Variants in RSRC1 observed in about 807,000 individuals in gnomAD.
RSRC1 encodes serine/Arginine-related protein 53.
A neutral mutation model predicts 49.1 loss-of-function variants in RSRC1; 39 were observed. The observed-to-expected ratio is 0.79, with a 90% confidence interval of 0.61 to 1.04. RSRC1 has a LOEUF of 1.04. Ranked by LOEUF, RSRC1 falls within the 50% of genes least tolerant of loss-of-function variation. The pLI, the probability that RSRC1 is intolerant of heterozygous loss-of-function variation, is 0.00. For missense variants in RSRC1, 388 were observed against 402.4 expected (o/e 0.96, Z 0.31); for synonymous variants, 143 against 130.8 (o/e 1.09, Z -0.63).
At chr3:158,202,480 C>A (rs1721099129) in intron 3 of RSRC1, among the ~76,000 whole-genome samples, 1 of 145,846 alleles carries the variant, frequency 6.9e-6, no homozygotes, top group Non-Finnish European at 1.5e-5. Flanking sequence ...GTAAGTGGAT[C>A]CATGCGGTTG....
chr3:158,437,160 C>G (rs1736086386), intron 6 of RSRC1, among the ~76,000 whole-genome samples: 1 of 149,432 alleles, frequency 6.7e-6, no homozygotes, highest in African/African-American at 2.5e-5. Context: ...AATATACTAT[C>G]CTACCAAATT....
intron 3 of RSRC1, among the ~76,000 whole-genome samples, chr3:158,173,664 G>A (rs943093379): frequency 1.3e-5 from 2 of 151,910 alleles, no homozygotes; most frequent in Non-Finnish European, 1.5e-5. Flanking sequence ...GCACATGAAT[G>A]TTCTCAGCAG....
At chr3:158,538,876 C>G (rs558268175) in intron 8 of RSRC1, among the ~76,000 whole-genome samples, 1 of 152,036 alleles carries the variant, frequency 6.6e-6, no homozygotes, top group African/African-American at 2.4e-5. Context: ...TGAATAAATT[C>G]ACACTTGACT....
chr3:158,171,596 A>G lies in RSRC1; in HGVS notation c.321-31476A>G, dbSNP rs1168400187. Among the ~76,000 whole-genome samples, 3 of 152,164 alleles carry G rather than the reference A, an allele frequency of 2.0e-5. 1 individual carries two copies. The highest frequency in any genetic ancestry group is 7.2e-5 in the African/African-American group (3 of 41,452). Reference sequence around the variant, plus strand: ...CACTGAAAAATACAATATCTAAACAAAAATACAAAGAATGGGCTCAGTATC... The same window carrying G: ...CACTGAAAAATACAATATCTAAACAGAAATACAAAGAATGGGCTCAGTATC... On this transcript the variant is annotated intron_variant, in intron 3 of 9. Transcript: ENST00000611884.
At chr3:158,113,091 G>A (rs966677406) in intron 1 of RSRC1, among the ~76,000 whole-genome samples, 6 of 151,084 alleles carry the variant, frequency 4.0e-5, no homozygotes, top group Non-Finnish European at 8.8e-5. Flanking sequence ...TGTGAATAAT[G>A]CTGCAGTGAA....
chr3:158,534,373 TTAGTTTGCTGC>T (rs1712597908), intron 7 of RSRC1, among the ~76,000 whole-genome samples: 1 of 151,688 alleles, frequency 6.6e-6, no homozygotes, highest in Non-Finnish European at 1.5e-5. Flanking sequence ...GCTATAAAAA[TTAGTTTGCTGC>T]AAAAAACTCC....
chr3:158,290,359 G>A (rs926865385), intron 4 of RSRC1, among the ~76,000 whole-genome samples: 9 of 151,900 alleles, frequency 5.9e-5, no homozygotes, highest in African/African-American at 1.2e-4. Flanking sequence ...TGCAAGCTCC[G>A]CCTCCCAGGT....
intron 3 of RSRC1, among the ~76,000 whole-genome samples, chr3:158,138,653 T>TC (rs1186668235): frequency 1.3e-5 from 2 of 152,254 alleles, no homozygotes; most frequent in African/African-American, 2.4e-5. Flanking sequence ...TTTTATTTTT[T>TC]CTCTATATCT....
intron 4 of RSRC1, among the ~76,000 whole-genome samples, chr3:158,270,344 C>A (rs1202412034): frequency 6.6e-6 from 1 of 152,096 alleles, no homozygotes; most frequent in Non-Finnish European, 1.5e-5. Context: ...TGGAACCCGA[C>A]AAAAGGATAG....
intron 3 of RSRC1, among the ~76,000 whole-genome samples, chr3:158,187,384 C>T (rs1043322155): frequency 1.3e-5 from 2 of 151,974 alleles, no homozygotes; most frequent in African/African-American, 4.8e-5. Flanking sequence ...TATTTTAGAG[C>T]ATTAACTATT....
chr3:158,329,131 C>T (rs1729381233), intron 5 of RSRC1, among the ~76,000 whole-genome samples: 1 of 152,120 alleles, frequency 6.6e-6, no homozygotes, highest in Admixed American at 6.6e-5. Flanking sequence ...TCTGGTTAGC[C>T]ATTCATCTAA....
chr3:158,423,412 C>G (rs569898630), intron 6 of RSRC1, among the ~76,000 whole-genome samples: 2 of 152,128 alleles, frequency 1.3e-5, no homozygotes, highest in South Asian at 4.1e-4. Context: ...TTTCTGAGGG[C>G]TCTGTTCTGT....
chr3:158,443,807 G>C (rs1331128941), intron 6 of RSRC1, among the ~76,000 whole-genome samples: 1 of 152,136 alleles, frequency 6.6e-6, no homozygotes, highest in African/African-American at 2.4e-5. Context: ...CTTTTCATAT[G>C]AAGTGAGAGA....
chr3:158,431,720 CATTCCTA>C (rs1735779160), intron 6 of RSRC1, among the ~76,000 whole-genome samples: 1 of 151,768 alleles, frequency 6.6e-6, no homozygotes, highest in African/African-American at 2.4e-5. Context: ...AAATTCTGGT[CATTCCTA>C]ATGTAGGTAA....
At chr3:158,519,951 A>G (rs534986230) in intron 7 of RSRC1, among the ~76,000 whole-genome samples, 1 of 152,270 alleles carries the variant, frequency 6.6e-6, no homozygotes, top group East Asian at 1.9e-4. Flanking sequence ...CAGTGAGGAA[A>G]AGGAAAACCA....
chr3:158,225,605 A>G (rs1166755174), intron 4 of RSRC1: 2 of 405,406 alleles, frequency 4.9e-6, no homozygotes, highest in Non-Finnish European at 9.6e-6. Flanking sequence ...AAGACGGATT[A>G]AAGTAGAAGC....
intron 3 of RSRC1, among the ~76,000 whole-genome samples, chr3:158,196,964 T>C (rs1338577772): frequency 6.6e-6 from 1 of 152,172 alleles, no homozygotes; most frequent in African/African-American, 2.4e-5. Context: ...AAAATTCTCT[T>C]TTTTTGTTGT....
intron 6 of RSRC1, among the ~76,000 whole-genome samples, chr3:158,428,943 G>C (rs560577109): frequency 7.2e-5 from 11 of 151,924 alleles, no homozygotes; most frequent in African/African-American, 2.7e-4. Context: ...GCTTTATGCA[G>C]GTCGAAAGGC....
At chr3:158,410,603 TC>T (rs753621876) in intron 6 of RSRC1, among the ~76,000 whole-genome samples, 1 of 152,280 alleles carries the variant, frequency 6.6e-6, no homozygotes, top group Non-Finnish European at 1.5e-5. Flanking sequence ...CTAGCATAGT[TC>T]CTAGCATATA....
Sources: allele counts gnomAD v4.1 joint callset (sites outside exome capture counted in the v4.1 genomes callset), GRCh38; gene constraint gnomAD v4.1.1; transcripts MANE v1.5; gene names NCBI Gene and HGNC (gene_info 2026-07-23, HGNC 2026-07-21).